Variants in SYN3 observed in about 807,000 individuals in gnomAD.
The protein encoded by SYN3 is synapsin-3.
In SYN3, 35 loss-of-function variants were observed where a neutral mutation model predicts 65.8. The ratio of observed to expected loss-of-function variants is 0.53; its 90% confidence interval spans 0.41 to 0.70. SYN3 has a LOEUF of 0.70. SYN3 is among the 30% of genes least tolerant of loss of function. The pLI, the probability that SYN3 is intolerant of heterozygous loss-of-function variation, is 0.00. For missense variants in SYN3, 680 were observed against 749.0 expected, an observed-to-expected ratio of 0.91 and a Z score of 1.08; for synonymous variants, 270 against 292.9, an observed-to-expected ratio of 0.92 and a Z score of 0.80.
intron 1 of SYN3, among the ~76,000 whole-genome samples, chr22:33,014,073 T>TA (rs133952): frequency 0.011 from 1,446 of 129,776 alleles, 18 homozygotes; most frequent in South Asian, 0.034. Flanking sequence ...CCCAGCTAGT[T>TA]AAAAAAAAAA....
intron 3 of SYN3, among the ~76,000 whole-genome samples, chr22:32,954,399 C>G (rs1010233507): frequency 2.0e-5 from 3 of 150,026 alleles, no homozygotes; most frequent in Non-Finnish European, 3.0e-5. Flanking sequence ...TGAATTTTTG[C>G]TACCTGCAGT....
chr22:32,705,649 A>T (rs948675369), intron 6 of SYN3, among the ~76,000 whole-genome samples: 1 of 152,238 alleles, frequency 6.6e-6, no homozygotes, highest in African/African-American at 2.4e-5. Flanking sequence ...TTTGGGCAGT[A>T]TGGCCACTTC....
At chr22:32,847,106 C>T (rs2048087296) in intron 6 of SYN3, among the ~76,000 whole-genome samples, 1 of 152,166 alleles carries the variant, frequency 6.6e-6, no homozygotes, top group Non-Finnish European at 1.5e-5. Flanking sequence ...GACTCGCTCC[C>T]TTGTTTACCT....
Position 32,513,699 on chromosome 22 carries a change from G to A in SYN3, c.1736C>T (p.Ser579Phe). ...CTCCCAGCCTGGATGGCGTTAGTCAGAGAACAGGCTGGCAAAAGACTTCCT... is the reference window on the plus strand; with the variant it reads ...CTCCCAGCCTGGATGGCGTTAGTCAAAGAACAGGCTGGCAAAAGACTTCCT... Reference protein sequence around the residue: ...NLRKSFASLFSD With the variant: ...NLRKSFASLFFD The change falls in exon 14 of 14, where the codon TCT (serine) becomes TTT (phenylalanine). Residue 579 changes from serine to phenylalanine, a missense_variant. Ser to Phe is a radical substitution (Grantham distance 155, BLOSUM62 -2). Coordinates refer to ENST00000358763, the MANE Select transcript of SYN3 (RefSeq NM_003490.4). 1.2e-6 allele frequency: 2 copies of A among 1,614,192 alleles called. No homozygotes were observed. Among genetic ancestry groups the A allele is most frequent in the Non-Finnish European group, 1.7e-6 (2 of 1,180,036 alleles).
At chr22:32,607,394 C>T (rs1330640883) in intron 6 of SYN3, among the ~76,000 whole-genome samples, 2 of 152,178 alleles carry the variant, frequency 1.3e-5, no homozygotes, top group Non-Finnish European at 2.9e-5. Flanking sequence ...GTACCCCAAC[C>T]TCAGTCAACG....
intron 6 of SYN3, among the ~76,000 whole-genome samples, chr22:32,658,818 A>C (rs1293476129): frequency 6.6e-6 from 1 of 152,194 alleles, no homozygotes. Flanking sequence ...GAGAAAGGAC[A>C]TTTCAGGCAC....
chr22:33,054,776 C>A (rs1024857124), intron 1 of SYN3, among the ~76,000 whole-genome samples: 3 of 152,224 alleles, frequency 2.0e-5, no homozygotes, highest in African/African-American at 7.2e-5. Flanking sequence ...GAGTAACATT[C>A]TATTGTATGT....
intron 2 of SYN3, among the ~76,000 whole-genome samples, chr22:32,989,786 G>A (rs1014015804): frequency 7.5e-5 from 10 of 133,562 alleles, no homozygotes; most frequent in Non-Finnish European, 1.5e-4. Flanking sequence ...AGTGAGCCAA[G>A]ATCAAGCCAC....
At chr22:32,956,024 AC>A (rs1481530300) in intron 3 of SYN3, among the ~76,000 whole-genome samples, 1 of 133,058 alleles carries the variant, frequency 7.5e-6, no homozygotes, top group African/African-American at 2.8e-5. Context: ...GTGAGTTAAT[AC>A]TACTTAATAA....
intron 6 of SYN3, among the ~76,000 whole-genome samples, chr22:32,663,631 C>T (rs1474154791): frequency 6.6e-6 from 1 of 152,108 alleles, no homozygotes; most frequent in African/African-American, 2.4e-5. Flanking sequence ...TACCCAGTCT[C>T]GGGTATGTCT....
chr22:32,706,973 C>T (rs2060889756), intron 6 of SYN3, among the ~76,000 whole-genome samples: 1 of 152,208 alleles, frequency 6.6e-6, no homozygotes, highest in South Asian at 2.1e-4. Flanking sequence ...CCATCTTCCT[C>T]CTATTGTCTC....
intron 1 of SYN3, among the ~76,000 whole-genome samples, chr22:33,048,638 G>A (rs914623348): frequency 1.3e-5 from 2 of 152,060 alleles, no homozygotes; most frequent in South Asian, 2.1e-4. Context: ...TTACCCCTTC[G>A]CCTTCTGCCA....
chr22:32,578,832 T>G (rs1380750951), intron 7 of SYN3, among the ~76,000 whole-genome samples: 1 of 152,132 alleles, frequency 6.6e-6, no homozygotes, highest in Non-Finnish European at 1.5e-5. Context: ...CTGTAAAGAG[T>G]CCAGTGGTAA....
chr22:32,994,223 G>A (rs1416684195), intron 2 of SYN3, among the ~76,000 whole-genome samples: 5 of 152,218 alleles, frequency 3.3e-5, no homozygotes, highest in Admixed American at 6.5e-5. Flanking sequence ...CTGGGAAAAC[G>A]GAGCTGTCTC....
intron 6 of SYN3, among the ~76,000 whole-genome samples, chr22:32,843,137 T>C (rs2047961585): frequency 6.6e-6 from 1 of 152,186 alleles, no homozygotes; most frequent in African/African-American, 2.4e-5. Context: ...CTGATCCTCA[T>C]TGTCCACAGT....
At chr22:32,678,556 CCTCCTCCTCCTTCCTCCTCCT>C (rs2060478669) in intron 6 of SYN3, among the ~76,000 whole-genome samples, 1 of 151,732 alleles carries the variant, frequency 6.6e-6, no homozygotes, top group Admixed American at 6.6e-5. Context: ...CCTCCTTCAT[CCTCCTCCTCCTTCCTCCTCCT>C]CTCCTCCTCC....
At chr22:32,663,419 C>T (rs995614687) in intron 6 of SYN3, among the ~76,000 whole-genome samples, 1 of 151,942 alleles carries the variant, frequency 6.6e-6, no homozygotes, top group Non-Finnish European at 1.5e-5. Context: ...CTGCCTCAGC[C>T]GCCCGAATAG....
intron 6 of SYN3, among the ~76,000 whole-genome samples, chr22:32,818,145 T>C (rs2047137446): frequency 6.6e-6 from 1 of 152,176 alleles, no homozygotes; most frequent in Admixed American, 6.5e-5. Context: ...AGTCTGAAAT[T>C]GTCTGAAAAT....
intron 6 of SYN3, among the ~76,000 whole-genome samples, chr22:32,768,842 T>A (rs752682528): frequency 1.1e-3 from 166 of 152,196 alleles, no homozygotes; most frequent in Non-Finnish European, 1.3e-4. Flanking sequence ...TCAGTGACGA[T>A]GATTTTGTTT....
Sources: gnomAD v4.1 joint callset for allele counts (sites outside exome capture counted in the v4.1 genomes callset) on GRCh38, gnomAD v4.1.1 for gene constraint, MANE v1.5 for transcripts, NCBI Gene and HGNC (gene_info 2026-07-23, HGNC 2026-07-21) for gene names.